The following DZIP1 variants were observed in gnomAD, a reference collection of about 807,000 sequenced individuals.
The protein encoded by DZIP1 is DAZ interacting zinc finger protein 1, also known as cilium assembly protein DZIP1.
Under a neutral mutation model 107.6 loss-of-function variants are expected in DZIP1, and 97 were observed. That is an observed-to-expected ratio of 0.90 (90% CI 0.77 to 1.07). The LOEUF is 1.07. DZIP1 is among the 50% of genes least tolerant of loss of function. DZIP1 has a pLI of 0.00. For missense variants in DZIP1, 1,035 were observed against 1,063.6 expected, an observed-to-expected ratio of 0.97 and a Z score of 0.37; for synonymous variants, 390 against 386.4, an observed-to-expected ratio of 1.01 and a Z score of -0.11.
At chr13:95,602,077 A>G (rs1431864773) in intron 14 of DZIP1, among the ~76,000 whole-genome samples, 1 of 152,094 alleles carries the variant, frequency 6.6e-6, no homozygotes, top group Non-Finnish European at 1.5e-5. Context: ...CAGCCTCAGG[A>G]ACACTCAGCG....
chr13:95,600,919 A>C (rs1001313379), intron 14 of DZIP1, among the ~76,000 whole-genome samples: 1 of 152,174 alleles, frequency 6.6e-6, no homozygotes, highest in Non-Finnish European at 1.5e-5. Flanking sequence ...AAAATTATAC[A>C]AATAGGCTAT....
chr13:95,603,634 C>G (rs960258668), intron 14 of DZIP1, among the ~76,000 whole-genome samples: 1 of 152,126 alleles, frequency 6.6e-6, no homozygotes, highest in African/African-American at 2.4e-5. Context: ...AGTCACTACT[C>G]CATGAGCAAA....
intron 7 of DZIP1, among the ~76,000 whole-genome samples, chr13:95,628,431 G>T (rs1876814525): frequency 6.6e-6 from 1 of 152,172 alleles, no homozygotes; most frequent in Non-Finnish European, 1.5e-5. Context: ...AGGGTAGTAG[G>T]AGTGATTATT....
In DZIP1 at chr13:95,585,857, A is replaced by G. The variant is rs2044145505; in HGVS notation, c.2349+149T>C. On this transcript the variant is annotated intron_variant, in intron 21 of 22. Coordinates refer to ENST00000376829, the MANE Select transcript of DZIP1 (RefSeq NM_198968.4). ...ATCTTTGTCTATGGAATGGAAAGAA[A>G]TGCAATACTGAGAACAAGAAAGGTG... The G allele has an allele frequency of 4.3e-6, 3 of 699,472 alleles. No individual in the cohort carries two copies. In the African/African-American group the frequency reaches 5.5e-5, roughly 13 times the overall value. The allele number at this position is 699,472 out of a possible 1,614,324, so 43.3% of individuals were successfully genotyped here.
At chr13:95,583,260 C>A in intron 22 of DZIP1, among the ~76,000 whole-genome samples, 1 of 97,086 alleles carries the variant, frequency 1.0e-5, no homozygotes, top group Non-Finnish European at 2.3e-5. Context: ...GACCCCATCT[C>A]TTAAAAAAAA....
Position 95,641,958 on chromosome 13 carries a change from T to C in DZIP1, c.36+36A>G, listed in dbSNP as rs560538321. The stretch of plus-strand genomic sequence containing the variant: ...AGCCCCGGTTCTCCCCAGCCCGGCA[T>C]CCCCGTCGGGGGCGCCCCGGCCTCC... On this transcript the variant is annotated intron_variant, in intron 4 of 22. Transcript: ENST00000376829. This position sits in a 1 kb window ranked among gnomAD's most constrained non-coding sequence, Gnocchi z 4.3. 1.3e-6 allele frequency: 2 copies of C among 1,564,642 alleles called. No individual in the cohort carries two copies. The highest frequency in any genetic ancestry group is 2.3e-5 in the South Asian group (2 of 85,980).
At position 95,606,029 on chromosome 13, in the gene DZIP1, G is replaced by A. The variant is rs781558456; in HGVS notation, c.1451C>T (p.Thr484Ile). The change falls in exon 14 of 23, where the codon ACT (threonine) becomes ATT (isoleucine). Residue 484 changes from threonine to isoleucine, a missense_variant. Thr to Ile is a moderately conservative substitution (Grantham distance 89). Transcript: ENST00000376829. ...ATGCACCATTGGCAGACTTGATTTAGTTTCCAAAGTGTGCAGGGCTGGGGC... is the reference window on the plus strand; with the variant it reads ...ATGCACCATTGGCAGACTTGATTTAATTTCCAAAGTGTGCAGGGCTGGGGC... ...MNAPALHTLE[T>I]KSSLPMVHEQ... The A allele has an allele frequency of 4.3e-6, 7 of 1,613,924 alleles. No homozygotes were observed. Among genetic ancestry groups the A allele is most frequent in the African/African-American group, 2.7e-5 (2 of 74,916 alleles).
intron 14 of DZIP1, among the ~76,000 whole-genome samples, chr13:95,604,248 A>AG (rs2044707198): frequency 6.6e-6 from 1 of 152,246 alleles, no homozygotes. Context: ...TTCATGGTAA[A>AG]GAACCTCATC....
chr13:95,582,745 G>A (rs575881403), intron 22 of DZIP1, among the ~76,000 whole-genome samples: 1 of 152,332 alleles, frequency 6.6e-6, no homozygotes, highest in African/African-American at 2.4e-5. Context: ...AGGTAGATAG[G>A]ATTAACAACG....
At chr13:95,593,749 T>C (rs2044371739) in intron 16 of DZIP1, among the ~76,000 whole-genome samples, 195 bp downstream of exon 16, 1 of 152,242 alleles carries the variant, frequency 6.6e-6, no homozygotes, top group Non-Finnish European at 1.5e-5. Flanking sequence ...AGTTAATATT[T>C]GTTAAGGTCG....
At chr13:95,635,357 C>A (rs1482639388) in intron 5 of DZIP1, among the ~76,000 whole-genome samples, 1 of 152,008 alleles carries the variant, frequency 6.6e-6, no homozygotes, top group East Asian at 1.9e-4. Context: ...CCACCACTCC[C>A]AGCTAATTTT....
At chr13:95,640,288 G>A (rs1317821305) in intron 5 of DZIP1, among the ~76,000 whole-genome samples, 1 of 152,074 alleles carries the variant, frequency 6.6e-6, no homozygotes, top group Non-Finnish European at 1.5e-5. Context: ...GTGAGCCACT[G>A]CACCCGGCCA....
intron 7 of DZIP1, among the ~76,000 whole-genome samples, chr13:95,628,336 C>T (rs981015437): frequency 1.3e-5 from 2 of 152,220 alleles, no homozygotes; most frequent in African/African-American, 2.4e-5. Flanking sequence ...AGCCACCACA[C>T]GTGGTGTACA....
chr13:95,632,937 A>G (rs562539663), intron 6 of DZIP1, among the ~76,000 whole-genome samples: 1 of 152,262 alleles, frequency 6.6e-6, no homozygotes, highest in African/African-American at 2.4e-5. Context: ...ACCATTTGAG[A>G]AGAATTACTC....
intron 10 of DZIP1, chr13:95,618,108 G>A (rs1875367282): frequency 2.0e-6 from 1 of 506,758 alleles, no homozygotes; most frequent in African/African-American, 1.9e-5. Context: ...ACATGGGCAT[G>A]ATCCACACAC....
chr13:95,597,304 G>A (rs1463243776), intron 15 of DZIP1, among the ~76,000 whole-genome samples: 1 of 150,870 alleles, frequency 6.6e-6, no homozygotes, highest in Non-Finnish European at 1.5e-5. Flanking sequence ...GTTCTATTTT[G>A]AAAGTACGCG....
chr13:95,639,655 C>A (rs1878254382), intron 5 of DZIP1, among the ~76,000 whole-genome samples: 2 of 136,492 alleles, frequency 1.5e-5, no homozygotes, highest in South Asian at 2.5e-4. Context: ...CTTATAACAG[C>A]CATTTCTATA....
At position 95,641,962 on chromosome 13, in the gene DZIP1, C is replaced by T. The variant is rs774864643; in HGVS notation, c.36+32G>A. On this transcript the variant is annotated intron_variant, in intron 4 of 22. Coordinates refer to ENST00000376829, the MANE Select transcript of DZIP1 (RefSeq NM_198968.4). This position sits in a 1 kb window ranked among gnomAD's most constrained non-coding sequence, Gnocchi z 4.3. ...CCGGTTCTCCCCAGCCCGGCATCCC[C>T]GTCGGGGGCGCCCCGGCCTCCCGCC... 1 of 1,568,676 alleles carries T rather than the reference C, an allele frequency of 6.4e-7. No homozygotes were observed. The highest frequency in any genetic ancestry group is 1.4e-5 in the African/African-American group (1 of 70,424).
intron 20 of DZIP1, 126 bp downstream of exon 20, chr13:95,587,413 T>C: frequency 7.5e-7 from 1 of 1,329,482 alleles, no homozygotes; most frequent in Non-Finnish European, 1.0e-6. Flanking sequence ...CGTGGGTGCC[T>C]TTGGGATCCG....
Sources: gnomAD v4.1 joint callset for allele counts (sites outside exome capture counted in the v4.1 genomes callset) on GRCh38, gnomAD v4.1.1 for gene constraint, Gnocchi (gnomAD v3.1) non-coding constraint, MANE v1.5 for transcripts, NCBI Gene and HGNC (gene_info 2026-07-23, HGNC 2026-07-21) for gene names.